The following ACACB variants were observed in gnomAD, a reference collection of about 807,000 sequenced individuals.
ACACB encodes the protein acetyl-CoA carboxylase beta, also known as acetyl-CoA carboxylase 2.
ACACB carries 209 observed loss-of-function variants against 278.8 expected under a neutral mutation model. The ratio of observed to expected loss-of-function variants is 0.75; its 90% confidence interval spans 0.67 to 0.84. The LOEUF (loss-of-function observed/expected upper bound fraction) is 0.84. Among genes scored for constraint, ACACB ranks in the 40% least tolerant of loss-of-function variants. ACACB has a pLI of 0.00. For synonymous variants in ACACB, 1,174 were observed against 1,285.6 expected, an observed-to-expected ratio of 0.91 and a Z score of 1.86; for missense variants, 2,850 against 3,269.0, an observed-to-expected ratio of 0.87 and a Z score of 3.13.
intron 2 of ACACB, among the ~76,000 whole-genome samples, chr12:109,157,582 C>T (rs146343939): frequency 2.0e-5 from 3 of 152,212 alleles, no homozygotes; most frequent in East Asian, 1.9e-4. Context: ...TTTCTTGGTC[C>T]GTTGAGACTC....
intron 10 of ACACB, among the ~76,000 whole-genome samples, chr12:109,179,658 A>T (rs1011758665): frequency 6.6e-5 from 10 of 151,808 alleles, no homozygotes; most frequent in African/African-American, 2.2e-4. Flanking sequence ...GGCTAATTTT[A>T]AAAAAAAATT....
intron 16 of ACACB, 150 bp downstream of exon 16, chr12:109,193,879 T>TG (rs2136293908): frequency 1.5e-6 from 1 of 679,456 alleles, no homozygotes; most frequent in African/African-American, 1.8e-5. Flanking sequence ...TCCGTGACCT[T>TG]GACACCTAAA....
chr12:109,265,896 A>G (rs2047505765), intron 52 of ACACB, among the ~76,000 whole-genome samples: 1 of 152,264 alleles, frequency 6.6e-6, no homozygotes, highest in Non-Finnish European at 1.5e-5. Context: ...TGACCTTTCC[A>G]GAGGGTCCCC....
At chr12:109,181,090 C>T (rs1021413164) in intron 11 of ACACB, among the ~76,000 whole-genome samples, 7 of 152,034 alleles carry the variant, frequency 4.6e-5, no homozygotes, top group African/African-American at 1.7e-4. Context: ...GTTTGTTTTT[C>T]TCTGCCTGGT....
chr12:109,229,676 T>C (rs529488736), intron 28 of ACACB, among the ~76,000 whole-genome samples: 2 of 152,232 alleles, frequency 1.3e-5, no homozygotes, highest in African/African-American at 4.8e-5. Context: ...ACCACAGTCA[T>C]GCACCACCAA....
chr12:109,199,625 A>C lies in ACACB; in HGVS notation c.2778+73A>C, dbSNP rs907068136. 89 of 1,324,252 alleles carry C rather than the reference A, an allele frequency of 6.7e-5. 1 individual carries two copies. In the Middle Eastern group the frequency reaches 8.1e-4, roughly 12 times the overall value. 82.0% of individuals were successfully genotyped at this position (1,324,252 alleles called of 1,614,324 possible). Reference sequence around the variant, plus strand: ...CTCTTCTGGCTTTGTCCCATGTCTGAACAAACAGGCCTACCTCTCCCCTTG... The same window carrying C: ...CTCTTCTGGCTTTGTCCCATGTCTGCACAAACAGGCCTACCTCTCCCCTTG... On this transcript the variant is annotated intron_variant, in intron 18 of 52. Coordinates refer to ENST00000338432, the MANE Select transcript of ACACB (RefSeq NM_001093.4).
chr12:109,178,266 T>G (rs763027485), intron 9 of ACACB, among the ~76,000 whole-genome samples: 3 of 152,232 alleles, frequency 2.0e-5, no homozygotes, highest in Non-Finnish European at 2.9e-5. Flanking sequence ...TGAATACTTT[T>G]CACATTGTCT....
chr12:109,232,749 C>T lies in ACACB; in HGVS notation c.4082C>T (p.Pro1361Leu), dbSNP rs1290833579. The stretch of plus-strand genomic sequence containing the variant: ...CTCTTCATGGACAGCGGCTTCTCCC[C>T]ACTGTGCCAGCGCATGGGAGCCATG... ...TELFMDSGFS[P>L]LCQRMGAMVA... Residue 1361 changes from proline to leucine, a missense_variant, in exon 29 of 53, where the codon CCA (proline) becomes CTA (leucine). This residue lies in a region of ACACB where 2,265 missense variants were observed against 2,561.3 expected (regional missense o/e 0.88). Coordinates refer to ENST00000338432, the MANE Select transcript of ACACB (RefSeq NM_001093.4). 3 of 1,614,160 alleles carry T rather than the reference C, an allele frequency of 1.9e-6. No homozygotes were observed. Among genetic ancestry groups the T allele is most frequent in the Admixed American group, 3.3e-5 (2 of 60,010 alleles).
At chr12:109,196,309 G>A (rs917239108) in intron 16 of ACACB, among the ~76,000 whole-genome samples, 4 of 152,116 alleles carry the variant, frequency 2.6e-5, no homozygotes, top group South Asian at 2.1e-4. Context: ...GGCTACTGTC[G>A]TAAAATACCA....
At chr12:109,256,805 C>G (rs1176713322) in intron 45 of ACACB, among the ~76,000 whole-genome samples, 1 of 152,204 alleles carries the variant, frequency 6.6e-6, no homozygotes, top group East Asian at 1.9e-4. Flanking sequence ...GGCCAAGCCC[C>G]ATCTCCATCA....
At chr12:109,248,395 G>A (rs2136726438) in intron 40 of ACACB, among the ~76,000 whole-genome samples, 1 of 152,340 alleles carries the variant, frequency 6.6e-6, no homozygotes, top group South Asian at 2.1e-4. Context: ...TAGGCTGTCT[G>A]CAAGCTGAGG....
rs2047456410 is a variant in ACACB, at chr12:109,264,311, C to G, written c.6867C>G (p.Ile2289Met). 1.2e-6 allele frequency: 2 copies of G among 1,614,092 alleles called. No homozygotes were observed. Among genetic ancestry groups the G allele is most frequent in the Non-Finnish European group, 1.7e-6 (2 of 1,180,044 alleles). ...CTCGCGAGGACCTGCTGCTCCCCAT[C>G]TACCACCAGGTGGCGGTGCAGTTCG... ...LKAREDLLLP[I>M]YHQVAVQFAD... The change falls in exon 50 of 53, where the codon ATC (isoleucine) becomes ATG (methionine). Residue 2289 changes from isoleucine to methionine, a missense_variant. By Grantham distance (10) the Ile-to-Met change is conservative. Coordinates refer to ENST00000338432, the MANE Select transcript of ACACB (RefSeq NM_001093.4).
chr12:109,188,049 C>T lies in ACACB; in HGVS notation c.2031C>T (p.Ser677=). 1 of 1,613,438 alleles carries T rather than the reference C, an allele frequency of 6.2e-7. No homozygotes were observed. ...TCCAGGAACTGAATTTCCGGAGCAGCAAGAACGTGTGGGGTTACTTCAGCG... is the reference window on the plus strand; with the variant it reads ...TCCAGGAACTGAATTTCCGGAGCAGTAAGAACGTGTGGGGTTACTTCAGCG... ...GTVQELNFRS[S]KNVWGYFSVA... is the part of the protein sequence containing the mutation. Residue 677 remains serine (S), a synonymous_variant, in exon 13 of 53, where the codon AGC becomes AGT. Transcript: ENST00000338432.
intron 33 of ACACB, 45 bp from the exon 34 acceptor site, chr12:109,237,120 G>A (rs375162690): frequency 7.2e-5 from 115 of 1,601,232 alleles, no homozygotes; most frequent in African/African-American, 1.2e-4. Context: ...CCAACGTCAC[G>A]CTGTGTGTGT....
intron 2 of ACACB, among the ~76,000 whole-genome samples, chr12:109,165,075 C>A (rs78727189): frequency 6.6e-6 from 1 of 152,070 alleles, no homozygotes; most frequent in Non-Finnish European, 1.5e-5. Flanking sequence ...CATTGTCATG[C>A]GCCTTGCCAT....
At chr12:109,140,754 T>C (rs1479151027) in intron 2 of ACACB, among the ~76,000 whole-genome samples, 2 of 152,116 alleles carry the variant, frequency 1.3e-5, no homozygotes, top group East Asian at 3.9e-4. Context: ...CTCAGCCTAG[T>C]TGGGGAAGAT....
chr12:109,128,307 C>A (rs1452447302), intron 1 of ACACB, among the ~76,000 whole-genome samples: 3 of 152,044 alleles, frequency 2.0e-5, no homozygotes, highest in African/African-American at 7.2e-5. Context: ...TGCCACCACA[C>A]CTGGCTAATT....
intron 15 of ACACB, among the ~76,000 whole-genome samples, chr12:109,193,053 TC>T (rs112328899): frequency 2.6e-5 from 4 of 152,122 alleles, no homozygotes; most frequent in Admixed American, 1.3e-4. Context: ...GAAGGCAGGA[TC>T]CCATATGTGA....
intron 1 of ACACB, among the ~76,000 whole-genome samples, chr12:109,138,253 A>G (rs948684880): frequency 1.3e-5 from 2 of 152,216 alleles, no homozygotes; most frequent in Non-Finnish European, 2.9e-5. Context: ...ACTCATTAGT[A>G]GGGCAGAGTT....
Sources: gnomAD v4.1 joint callset for allele counts (sites outside exome capture counted in the v4.1 genomes callset) on GRCh38, gnomAD v4.1.1 for gene constraint, gnomAD v4.1.1 regional missense constraint, MANE v1.5 for transcripts, NCBI Gene and HGNC (gene_info 2026-07-23, HGNC 2026-07-21) for gene names.